ZBTB20: variants seen among roughly 807,000 people sequenced by gnomAD.
ZBTB20 encodes zinc finger and BTB domain containing 20.
Under a neutral mutation model 56.9 loss-of-function variants are expected in ZBTB20, and 9 were observed. The observed-to-expected ratio is 0.16, with a 90% CI of 0.10 to 0.28. The LOEUF (loss-of-function observed/expected upper bound fraction) is 0.28, where lower values mean the gene tolerates loss of function less well. ZBTB20 is among the 10% of genes least tolerant of loss of function. ZBTB20 has a pLI of 1.00. For missense variants in ZBTB20, 655 were observed against 1,003.0 expected (o/e 0.65, Z 4.69); for synonymous variants, 417 against 420.7 (o/e 0.99, Z 0.11).
intron 5 of ZBTB20, among the ~76,000 whole-genome samples, chr3:114,713,045 C>G (rs927471224): frequency 6.6e-6 from 1 of 152,172 alleles, no homozygotes; most frequent in Non-Finnish European, 1.5e-5. Context: ...CTAGGCATTA[C>G]TAGGTTATAA....
intron 2 of ZBTB20, among the ~76,000 whole-genome samples, chr3:114,974,859 C>G (rs2078032912): frequency 6.6e-6 from 1 of 151,870 alleles, no homozygotes; most frequent in South Asian, 2.1e-4. Context: ...AAACACAAGC[C>G]CTATTCTCAA....
chr3:114,545,493 T>C (rs1274125815), intron 6 of ZBTB20, among the ~76,000 whole-genome samples: 1 of 152,214 alleles, frequency 6.6e-6, no homozygotes, highest in Non-Finnish European at 1.5e-5. Context: ...TGGTACACCA[T>C]TGTGTGAGCC....
chr3:115,006,136 C>G (rs1379530414), intron 2 of ZBTB20, among the ~76,000 whole-genome samples: 1 of 151,632 alleles, frequency 6.6e-6, no homozygotes, highest in Admixed American at 6.6e-5. Flanking sequence ...TCATTTGAGT[C>G]TCAACAGAAA....
chr3:114,629,473 TAA>T, intron 6 of ZBTB20, among the ~76,000 whole-genome samples: 1 of 152,164 alleles, frequency 6.6e-6, no homozygotes, highest in African/African-American at 2.4e-5. Flanking sequence ...AAAGTCTCAG[TAA>T]AATCATGTAA....
intron 6 of ZBTB20, among the ~76,000 whole-genome samples, chr3:114,612,077 C>T (rs970510121): frequency 6.6e-6 from 1 of 152,196 alleles, no homozygotes; most frequent in Non-Finnish European, 1.5e-5. Context: ...TCTTCATCCT[C>T]CCTACTTCTC....
At chr3:115,054,303 G>A (rs1263845969) in intron 2 of ZBTB20, among the ~76,000 whole-genome samples, 1 of 152,148 alleles carries the variant, frequency 6.6e-6, no homozygotes, top group South Asian at 2.1e-4. Flanking sequence ...CCAGGAAAGC[G>A]CTGAAATAAC....
intron 7 of ZBTB20, among the ~76,000 whole-genome samples, chr3:114,434,550 GTGTGTGTT>G (rs2090370976): frequency 7.6e-6 from 1 of 132,008 alleles, no homozygotes; most frequent in Non-Finnish European, 1.7e-5. Context: ...GGGTGTGTGT[GTGTGTGTT>G]TGTGTGTGTG....
At position 114,565,113 on chromosome 3, in the gene ZBTB20, A is replaced by G. The variant is rs575641435; in HGVS notation, c.-294-64722T>C. Among the ~76,000 whole-genome samples, 3 of 152,318 alleles carry G rather than the reference A, an allele frequency of 2.0e-5. No individual in the cohort carries two copies. In the East Asian group the frequency reaches 5.8e-4, roughly 29 times the overall value. ...CATCCAGAGGACCATCTTTATGCTGATAACACTAAAATATAAAATAATGCC... is the reference window on the plus strand; with the variant it reads ...CATCCAGAGGACCATCTTTATGCTGGTAACACTAAAATATAAAATAATGCC... On this transcript the variant is annotated intron_variant, in intron 6 of 11. Transcript: ENST00000675478.
At chr3:114,468,661 T>C (rs547824960) in intron 7 of ZBTB20, among the ~76,000 whole-genome samples, 1 of 152,322 alleles carries the variant, frequency 6.6e-6, no homozygotes, top group East Asian at 1.9e-4. Flanking sequence ...GCATTCTGAC[T>C]TTTATTCTTT....
chr3:114,726,382 A>C (rs1273810772), intron 5 of ZBTB20, among the ~76,000 whole-genome samples: 2 of 152,226 alleles, frequency 1.3e-5, no homozygotes, highest in Non-Finnish European at 2.9e-5. Context: ...TTTCTGGTAG[A>C]ATTTTTAATT....
At chr3:114,372,954 G>T (rs998788771) in intron 10 of ZBTB20, among the ~76,000 whole-genome samples, 1 of 151,908 alleles carries the variant, frequency 6.6e-6, no homozygotes, top group African/African-American at 2.4e-5. Flanking sequence ...GTCTTGCTCT[G>T]TCACTAGGCT....
intron 5 of ZBTB20, among the ~76,000 whole-genome samples, chr3:114,694,109 T>C (rs2108329741): frequency 6.6e-6 from 1 of 152,198 alleles, no homozygotes; most frequent in South Asian, 2.1e-4. Context: ...TGTGAGTTAT[T>C]GGCCTTATCC....
chr3:114,558,500 C>T (rs1272258498), intron 6 of ZBTB20, among the ~76,000 whole-genome samples: 2 of 152,066 alleles, frequency 1.3e-5, no homozygotes, highest in African/African-American at 4.8e-5. Context: ...TGATTCATCT[C>T]ATGAATCAGT....
At chr3:115,067,748 T>G (rs2082260146) in intron 2 of ZBTB20, among the ~76,000 whole-genome samples, 1 of 152,142 alleles carries the variant, frequency 6.6e-6, no homozygotes, top group African/African-American at 2.4e-5. Flanking sequence ...TGCACTTGAA[T>G]TGTACACTTC....
At chr3:115,084,442 T>C (rs1324941776) in intron 1 of ZBTB20, among the ~76,000 whole-genome samples, 1 of 151,864 alleles carries the variant, frequency 6.6e-6, no homozygotes, top group Non-Finnish European at 1.5e-5. Context: ...TTATAGGCCA[T>C]TTATAGCCCA....
intron 5 of ZBTB20, among the ~76,000 whole-genome samples, chr3:114,729,810 AT>A (rs1316519551): frequency 2.7e-5 from 4 of 148,626 alleles, no homozygotes; most frequent in Non-Finnish European, 3.0e-5. Flanking sequence ...TTTTCTTTTA[AT>A]TTTTTTTTTA....
At chr3:114,788,519 T>C (rs1292770586) in intron 5 of ZBTB20, among the ~76,000 whole-genome samples, 1 of 152,144 alleles carries the variant, frequency 6.6e-6, no homozygotes, top group Non-Finnish European at 1.5e-5. Context: ...AATATTCCAT[T>C]CTATGTATGG....
chr3:115,100,122 G>T (rs373107932), intron 1 of ZBTB20: 1 of 151,486 alleles, frequency 6.6e-6, no homozygotes, highest in Non-Finnish European at 1.5e-5. Flanking sequence ...GATGACAGAG[G>T]GGGCATTGAG....
At chr3:114,785,811 G>A (rs2070440081) in intron 5 of ZBTB20, among the ~76,000 whole-genome samples, 1 of 152,008 alleles carries the variant, frequency 6.6e-6, no homozygotes. Context: ...CTTACTCTCT[G>A]CGTAAATTTA....
Sources: gnomAD v4.1 joint callset for allele counts (sites outside exome capture counted in the v4.1 genomes callset) on GRCh38, gnomAD v4.1.1 for gene constraint, MANE v1.5 for transcripts, NCBI Gene and HGNC (gene_info 2026-07-23, HGNC 2026-07-21) for gene names.